The following ARHGEF7 variants were observed in gnomAD, a reference collection of about 807,000 sequenced individuals.
ARHGEF7 encodes Rho guanine nucleotide exchange factor 7.
ARHGEF7 carries 33 observed loss-of-function variants against 109.8 expected under a neutral mutation model. The ratio of observed to expected loss-of-function variants is 0.30; its 90% CI spans 0.23 to 0.40. The LOEUF is 0.40. Ranked by LOEUF, ARHGEF7 falls within the 10% of genes least tolerant of loss-of-function variation. ARHGEF7 has a pLI of 1.00. For missense variants in ARHGEF7, 938 were observed against 1,098.5 expected (o/e 0.85, Z 2.07); for synonymous variants, 458 against 424.6 (o/e 1.08, Z -0.97).
chr13:111,242,375 G>T (rs568485443), intron 6 of ARHGEF7, among the ~76,000 whole-genome samples: 1 of 152,300 alleles, frequency 6.6e-6, no homozygotes, highest in South Asian at 2.1e-4. Flanking sequence ...TTAACTTGAT[G>T]ACTTTTTTCT....
At chr13:111,173,389 G>A (rs560772135) in intron 2 of ARHGEF7, among the ~76,000 whole-genome samples, 146 of 152,300 alleles carry the variant, frequency 9.6e-4, no homozygotes, top group Non-Finnish European at 1.6e-3. Flanking sequence ...GGTCATACTG[G>A]GGAGTCAGAA....
chr13:111,115,901 G>T (rs926927099), intron 1 of ARHGEF7, among the ~76,000 whole-genome samples: 2 of 150,628 alleles, frequency 1.3e-5, no homozygotes, highest in African/African-American at 2.4e-5. Flanking sequence ...CGGGGAGCGG[G>T]GTCGGGGGGA....
At chr13:111,259,298 T>C (rs1292796190) in intron 8 of ARHGEF7, among the ~76,000 whole-genome samples, 2 of 152,166 alleles carry the variant, frequency 1.3e-5, no homozygotes, top group Non-Finnish European at 2.9e-5. Context: ...CTTTGCTGGC[T>C]TCAGGTGTGA....
intron 5 of ARHGEF7, among the ~76,000 whole-genome samples, chr13:111,223,113 T>G (rs190427449): frequency 1.4e-3 from 206 of 152,354 alleles, no homozygotes; most frequent in African/African-American, 4.6e-3. Flanking sequence ...TATACAGAGA[T>G]ATAGCTGCAG....
chr13:111,159,142 T>C (rs1044728916), intron 2 of ARHGEF7: 11 of 711,556 alleles, frequency 1.5e-5, no homozygotes, highest in Non-Finnish European at 2.6e-5. Context: ...GCAGTATTTG[T>C]CTTTTTGTGC....
chr13:111,302,711 C>G (rs1595662213), intron 21 of ARHGEF7, among the ~76,000 whole-genome samples: 1 of 152,312 alleles, frequency 6.6e-6, no homozygotes, highest in East Asian at 1.9e-4. Context: ...CAGTTTCCAG[C>G]TATTTTCTTA....
intron 2 of ARHGEF7, among the ~76,000 whole-genome samples, chr13:111,174,400 C>T (rs562808980): frequency 6.6e-6 from 1 of 152,202 alleles, no homozygotes; most frequent in Non-Finnish European, 1.5e-5. Flanking sequence ...TTTTCTCCCC[C>T]TTTGGTCCTT....
chr13:111,129,247 T>C (rs963668303), intron 1 of ARHGEF7, among the ~76,000 whole-genome samples: 6 of 152,076 alleles, frequency 3.9e-5, no homozygotes, highest in Admixed American at 2.0e-4. Context: ...AGCCTAAAAC[T>C]AAAAAACTCC....
chr13:111,139,619 G>A lies in ARHGEF7; in HGVS notation c.166-14286G>A, dbSNP rs557193164. Among the ~76,000 whole-genome samples, 31 of 151,964 alleles carry A rather than the reference G, an allele frequency of 2.0e-4. No homozygotes were observed. In the South Asian group the frequency reaches 2.3e-3, roughly 11 times the overall value. ...GTGTGGAGCACTGGCGGGTGCCTGC[G>A]TGGAGCACTGGCGGCAGACAGGGGC... On this transcript the variant is annotated intron_variant, in intron 1 of 21. Coordinates refer to ENST00000646102, the MANE Select transcript of ARHGEF7 (RefSeq NM_001354046.2).
rs2088303111 is a variant in ARHGEF7, at chr13:111,243,979, A to G, written c.854+13A>G. Reference sequence around the variant, plus strand: ...AGACCAGTGAGAAGTAAGTTAGATGATAAATTGCATTAACTGTAAAATAGT... The same window carrying G: ...AGACCAGTGAGAAGTAAGTTAGATGGTAAATTGCATTAACTGTAAAATAGT... On this transcript the variant is annotated intron_variant, in intron 7 of 21. Transcript: ENST00000646102. The G allele has an allele frequency of 1.9e-6, 3 of 1,583,176 alleles. No homozygotes were observed. Among genetic ancestry groups the G allele is most frequent in the Non-Finnish European group, 2.6e-6 (3 of 1,152,832 alleles).
In ARHGEF7 at chr13:111,286,142, C is replaced by T; in HGVS notation, c.1951-5C>T. 1 of 1,610,300 alleles carries T rather than the reference C, an allele frequency of 6.2e-7. No individual in the cohort carries two copies. The highest frequency in any genetic ancestry group is 1.3e-5 in the African/African-American group (1 of 74,872). On this transcript the variant is annotated splice_polypyrimidine_tract_variant and splice_region_variant and intron_variant, in intron 16 of 21. Transcript: ENST00000646102. Reference sequence around the variant, plus strand: ...ATGTTAGCATTTTCTTTTGTCTTTCCCTAGGATCTTAGTAAGAGCCCTAAG... The same window carrying T: ...ATGTTAGCATTTTCTTTTGTCTTTCTCTAGGATCTTAGTAAGAGCCCTAAG...
At chr13:111,296,193 A>C (rs975102123) in intron 19 of ARHGEF7, among the ~76,000 whole-genome samples, 4 of 151,176 alleles carry the variant, frequency 2.6e-5, no homozygotes, top group Admixed American at 2.6e-4. Flanking sequence ...ATGCTGGGTT[A>C]GATCTGTGTT....
chr13:111,278,128 G>A (rs1345707777), intron 13 of ARHGEF7, among the ~76,000 whole-genome samples: 1 of 152,218 alleles, frequency 6.6e-6, no homozygotes, highest in Non-Finnish European at 1.5e-5. Flanking sequence ...GTAGCAGTGT[G>A]TGATCGTTGA....
intron 8 of ARHGEF7, among the ~76,000 whole-genome samples, chr13:111,252,152 GAGTT>G (rs1246176253): frequency 2.0e-5 from 3 of 152,208 alleles, no homozygotes; most frequent in African/African-American, 7.2e-5. Context: ...TGGCATAAAA[GAGTT>G]AGTCTCATTA....
chr13:111,258,092 C>T lies in ARHGEF7; in HGVS notation c.951-9456C>T, dbSNP rs920904259. Among the ~76,000 whole-genome samples, 1 of 152,240 alleles carries T rather than the reference C, an allele frequency of 6.6e-6. No individual in the cohort carries two copies. Among genetic ancestry groups the T allele is most frequent in the Non-Finnish European group, 1.5e-5 (1 of 68,030 alleles). On this transcript the variant is annotated intron_variant, in intron 8 of 21. Coordinates refer to ENST00000646102, the MANE Select transcript of ARHGEF7 (RefSeq NM_001354046.2). This position sits in a 1 kb window ranked among gnomAD's most constrained non-coding sequence, Gnocchi z 4.4. ...CAACCTAGTGAGACCTCAGCCGGGG[C>T]AGCCAAGGGAGGCCTTGCACCACCC...
At chr13:111,285,945 C>CT (rs2093001401) in intron 16 of ARHGEF7, among the ~76,000 whole-genome samples, 1 of 151,896 alleles carries the variant, frequency 6.6e-6, no homozygotes, top group Non-Finnish European at 1.5e-5. Flanking sequence ...TAGCCAATGA[C>CT]TAATACTGAA....
intron 19 of ARHGEF7, among the ~76,000 whole-genome samples, chr13:111,298,656 G>C (rs1448906868): frequency 4.6e-5 from 7 of 152,254 alleles, no homozygotes; most frequent in Admixed American, 2.6e-4. Flanking sequence ...AGTCCTGTCT[G>C]AATCTTCTGT....
At chr13:111,197,254 C>G (rs148402945) in intron 2 of ARHGEF7, among the ~76,000 whole-genome samples, 1 of 151,604 alleles carries the variant, frequency 6.6e-6, no homozygotes, top group African/African-American at 2.4e-5. Flanking sequence ...CACCTCTTGC[C>G]CAAGAACCCT....
chr13:111,241,303 G>A, intron 6 of ARHGEF7: 1 of 1,536,212 alleles, frequency 6.5e-7, no homozygotes, highest in Non-Finnish European at 8.7e-7. Flanking sequence ...GCAGCAGCCA[G>A]AGCGTGCAGA....
Sources: allele counts gnomAD v4.1 joint callset (sites outside exome capture counted in the v4.1 genomes callset), GRCh38; gene constraint gnomAD v4.1.1; non-coding constraint Gnocchi (gnomAD v3.1); transcripts MANE v1.5; gene names NCBI Gene and HGNC (gene_info 2026-07-23, HGNC 2026-07-21).